Variants in NPIPA9 observed in about 807,000 individuals in gnomAD.
The protein encoded by NPIPA9 is nuclear pore complex-interacting protein family member A9.
chr16:18,371,497 C>G (rs1167530166), intron 3 of NPIPA9, among the ~76,000 whole-genome samples: 2 of 112,008 alleles, frequency 1.8e-5, no homozygotes, highest in Non-Finnish European at 3.7e-5. Context: ...CCAGATGACA[C>G]AAATGAAATG....
At chr16:18,364,604 G>C (rs1472437831) in exon 5 of NPIPA9, 7 of 98,646 alleles carry the variant, frequency 7.1e-5, no homozygotes, top group South Asian at 3.8e-4. Context: ...TGTCCATTTT[G>C]AGACGGGAAG....
Position 18,374,889 on chromosome 16 carries a change from G to A in NPIPA9, c.-127C>T. 3 of 520,352 alleles carry A rather than the reference G, an allele frequency of 5.8e-6. No homozygotes were observed. The East Asian group carries it at 9.7e-5, about 17-fold the overall frequency. 32.2% of individuals were successfully genotyped at this position (520,352 alleles called of 1,614,324 possible). On this transcript the variant is annotated 5_prime_UTR_variant, in exon 2 of 10. Coordinates refer to ENST00000427999, the Ensembl canonical transcript of NPIPA9. ...CATCTGTCCAGCAAAGGCCTGCTGA[G>A]AGGTGCACAGGGTCTTGAGTCCAAG... is the stretch of plus-strand genomic sequence containing the variant.
intron 3 of NPIPA9, among the ~76,000 whole-genome samples, chr16:18,371,462 A>AG (rs1443039336): frequency 7.1e-6 from 1 of 141,072 alleles, no homozygotes; most frequent in African/African-American, 2.6e-5. Context: ...AAAAAAAAAA[A>AG]AAAAAAAAAA....
Position 18,365,151 on chromosome 16 carries a change from G to T in NPIPA9, c.193-517C>A, listed in dbSNP as rs1174595952. Among the ~76,000 whole-genome samples the T allele has an allele frequency of 5.0e-3, 410 of 81,552 alleles. 2 individuals carry two copies. Among genetic ancestry groups the T allele is most frequent in the African/African-American group, 0.029 (383 of 13,164 alleles). 53.5% of individuals were successfully genotyped at this position (81,552 alleles called of 152,430 possible). A position where few individuals can be genotyped will look rare whatever the true frequency, so the allele number is the denominator to read the frequency against. ...TAGCCAGGCATGGTGGTGCATGCCT[G>T]TAATCCCAGCTAGTCGGGAGGCTGA... On this transcript the variant is annotated intron_variant, in intron 4 of 9. Transcript: ENST00000427999.
At chr16:18,376,699 C>T in intron 1 of NPIPA9, 37 bp downstream of exon 1, 1 of 276,950 alleles carries the variant, frequency 3.6e-6, no homozygotes, top group Non-Finnish European at 6.4e-6. Flanking sequence ...GCCCAGGCTC[C>T]ATTCCCAGTA....
At chr16:18,371,482 T>C (rs1223733265) in intron 3 of NPIPA9, among the ~76,000 whole-genome samples, 1 of 113,178 alleles carries the variant, frequency 8.8e-6, no homozygotes, top group African/African-American at 3.4e-5. Flanking sequence ...AAAAAAGTCA[T>C]CAAACCAGAT....
At chr16:18,363,567 C>T (rs1384912246) in intron 6 of NPIPA9, among the ~76,000 whole-genome samples, 1 of 61,592 alleles carries the variant, frequency 1.6e-5, no homozygotes, top group African/African-American at 8.5e-5. Context: ...CTCGGGAAGC[C>T]AAGGCAGAAT....
Position 18,375,188 on chromosome 16 carries a change from A to G in NPIPA9, c.-307-119T>C, listed in dbSNP as rs1446104529. On this transcript the variant is annotated intron_variant, in intron 1 of 9. Coordinates refer to ENST00000427999, the Ensembl canonical transcript of NPIPA9. ...GGTGCCATCTGACAGAATGTCCTAG[A>G]ATGCTAGATATATGGGACATCTGCA... 3.8e-6 allele frequency: 2 copies of G among 529,702 alleles called. 1 individual carries two copies. Among genetic ancestry groups the G allele is most frequent in the Non-Finnish European group, 6.6e-6 (2 of 303,800 alleles). 32.8% of individuals were successfully genotyped at this position (529,702 alleles called of 1,614,324 possible).
chr16:18,375,199 T>C lies in NPIPA9; in HGVS notation c.-307-130A>G. Reference sequence around the variant, plus strand: ...ACAGAATGTCCTAGAATGCTAGATATATGGGACATCTGCACCGTCCGTGAT... The same window carrying C: ...ACAGAATGTCCTAGAATGCTAGATACATGGGACATCTGCACCGTCCGTGAT... On this transcript the variant is annotated intron_variant, in intron 1 of 9. Transcript: ENST00000427999. 2 of 524,140 alleles carry C rather than the reference T, an allele frequency of 3.8e-6. 1 individual carries two copies. The highest frequency in any genetic ancestry group is 6.5e-5 in the East Asian group (2 of 30,932). The allele number at this position is 524,140 out of a possible 1,614,324, so 32.5% of individuals were successfully genotyped here.
intron 4 of NPIPA9, among the ~76,000 whole-genome samples, chr16:18,364,862 A>T (rs1190004173): frequency 9.8e-6 from 1 of 102,224 alleles, no homozygotes; most frequent in East Asian, 2.6e-4. Flanking sequence ...AACCGTTTGA[A>T]GCTGGGAGGT....
At chr16:18,370,373 A>G (rs1180727248) in intron 3 of NPIPA9, among the ~76,000 whole-genome samples, 5 of 112,884 alleles carry the variant, frequency 4.4e-5, no homozygotes, top group South Asian at 3.2e-4. Context: ...GATTGTTGAT[A>G]TTAATTCCAT....
At chr16:18,364,974 A>ACACC (rs1900489538) in intron 4 of NPIPA9, among the ~76,000 whole-genome samples, 1 of 136,424 alleles carries the variant, frequency 7.3e-6, no homozygotes, top group Non-Finnish European at 1.6e-5. Flanking sequence ...CACACAACAC[A>ACACC]ACACACAAGA....
chr16:18,370,040 C>T (rs1410945642), intron 3 of NPIPA9, among the ~76,000 whole-genome samples: 2 of 138,250 alleles, frequency 1.4e-5, no homozygotes, highest in Non-Finnish European at 3.1e-5. Flanking sequence ...GCCTGCAATC[C>T]CAGCACTTTG....
intron 1 of NPIPA9, among the ~76,000 whole-genome samples, chr16:18,375,499 ACT>A: frequency 1.1e-5 from 1 of 91,292 alleles, no homozygotes; most frequent in East Asian, 3.8e-4. Context: ...ACGGGGTTTC[ACT>A]GTGTTGGCCA....
intron 2 of NPIPA9, chr16:18,374,381 C>G: frequency 6.6e-6 from 1 of 150,574 alleles, no homozygotes; most frequent in South Asian, 5.8e-5. Context: ...TTGCAGTGAG[C>G]CGAGATCGTA....
Position 18,370,340 on chromosome 16 carries a change from T to G in NPIPA9, c.64-1954A>C, listed in dbSNP as rs1250209888. On this transcript the variant is annotated intron_variant, in intron 3 of 9. Transcript: ENST00000427999. ...CAAGGTGGAGATCATGAAAATGGCA[T>G]GAATAGCGTGGGATTTCTCTAAGAT... is the stretch of plus-strand genomic sequence containing the variant. 1.4e-3 allele frequency among the ~76,000 whole-genome samples: 167 copies of G among 123,026 alleles called. 1 individual carries two copies. The highest frequency in any genetic ancestry group is 4.7e-3 in the African/African-American group (160 of 33,776). The allele number at this position is 123,026 out of a possible 152,430, so 80.7% of individuals were successfully genotyped here. A position where few individuals can be genotyped will look rare whatever the true frequency, so the allele number is the denominator to read the frequency against.
At chr16:18,365,038 G>A (rs1227669284) in intron 4 of NPIPA9, among the ~76,000 whole-genome samples, 3 of 116,748 alleles carry the variant, frequency 2.6e-5, no homozygotes, top group African/African-American at 1.2e-4. Flanking sequence ...ACTTTGGGAG[G>A]CCGAGGCAGG....
At chr16:18,371,331 A>C (rs1266308344) in intron 3 of NPIPA9, 1 of 132,462 alleles carries the variant, frequency 7.5e-6, no homozygotes, top group East Asian at 2.1e-4. Context: ...CAGGCGTTGT[A>C]ATCTGAGCTG....
intron 3 of NPIPA9, among the ~76,000 whole-genome samples, chr16:18,370,276 C>T (rs1447486225): frequency 5.8e-5 from 7 of 121,112 alleles, no homozygotes; most frequent in East Asian, 5.8e-4. Flanking sequence ...GGTGACAGAG[C>T]GAGACTCTGT....
Sources: gnomAD v4.1 joint callset for allele counts (sites outside exome capture counted in the v4.1 genomes callset) on GRCh38, gnomAD v4.1.1 for gene constraint, MANE v1.5 for transcripts, NCBI Gene and HGNC (gene_info 2026-07-23, HGNC 2026-07-21) for gene names.